NUP37: variants seen among roughly 807,000 people sequenced by gnomAD.
NUP37 encodes the protein nucleoporin Nup37.
NUP37 carries 33 observed loss-of-function variants against 45.4 expected under a neutral mutation model. The ratio of observed to expected loss-of-function variants is 0.73; its 90% CI spans 0.55 to 0.97. The LOEUF (loss-of-function observed/expected upper bound fraction) is 0.97. NUP37 is among the 50% of genes least tolerant of loss of function. The pLI is 0.00. For synonymous variants in NUP37, 127 were observed against 130.7 expected, an observed-to-expected ratio of 0.97 and a Z score of 0.19; for missense variants, 365 against 389.7, an observed-to-expected ratio of 0.94 and a Z score of 0.53.
At chr12:102,108,064 T>A (rs1022354767) in intron 3 of NUP37, among the ~76,000 whole-genome samples, 1 of 152,190 alleles carries the variant, frequency 6.6e-6, no homozygotes, top group African/African-American at 2.4e-5. Flanking sequence ...GTCAACTTGC[T>A]TGGATTGAAG....
intron 5 of NUP37, among the ~76,000 whole-genome samples, chr12:102,095,314 C>T (rs1879772525): frequency 6.6e-6 from 1 of 152,006 alleles, no homozygotes; most frequent in Admixed American, 6.6e-5. Context: ...TAATTTTAGC[C>T]TTCTTTCAAT....
Position 102,092,420 on chromosome 12 carries a change from A to C in NUP37, c.450-6564T>G, listed in dbSNP as rs1281633227. ...TTATAAGGATTAGCAGGCACTTTAC[A>C]ATGTCACTGGTACAGGAAAGGGACC... On this transcript the variant is annotated intron_variant, in intron 5 of 9. Transcript: ENST00000552283. 3.3e-5 allele frequency among the ~76,000 whole-genome samples: 5 copies of C among 152,208 alleles called. No individual in the cohort carries two copies. In the East Asian group the frequency reaches 9.6e-4, roughly 29 times the overall value.
intron 3 of NUP37, among the ~76,000 whole-genome samples, chr12:102,106,532 G>C (rs1288962167): frequency 6.6e-6 from 1 of 152,138 alleles, no homozygotes; most frequent in Non-Finnish European, 1.5e-5. Flanking sequence ...GACTAGATTA[G>C]TTTACTTCTA....
At chr12:102,094,800 C>T (rs1022430028) in intron 5 of NUP37, among the ~76,000 whole-genome samples, 1 of 152,018 alleles carries the variant, frequency 6.6e-6, no homozygotes, top group African/African-American at 2.4e-5. Flanking sequence ...CCAGTTAGAA[C>T]ATGACAACTA....
intron 5 of NUP37, among the ~76,000 whole-genome samples, chr12:102,091,195 G>A (rs775484143): frequency 3.1e-4 from 47 of 151,832 alleles, no homozygotes; most frequent in Non-Finnish European, 5.6e-4. Context: ...TCAGGAGTTC[G>A]AGACCAGCCT....
Position 102,074,128 on chromosome 12 carries a change from A to G in NUP37, c.*226T>C, listed in dbSNP as rs1306003928. The G allele has an allele frequency of 7.4e-6, 2 of 268,600 alleles. No individual in the cohort carries two copies. The highest frequency in any genetic ancestry group is 4.4e-5 in the African/African-American group (2 of 45,394). The allele number at this position is 268,600 out of a possible 1,614,324, so 16.6% of individuals were successfully genotyped here. On this transcript the variant is annotated 3_prime_UTR_variant, in exon 10 of 10. Coordinates refer to ENST00000552283, the MANE Select transcript of NUP37 (RefSeq NM_024057.4). ...TCTCTGGAGGTGAGCTGCTGAGTCA[A>G]TATGATTTTGTAAGATTAAAAATAT...
At chr12:102,102,542 T>G (rs953321068) in intron 3 of NUP37, among the ~76,000 whole-genome samples, 3 of 152,224 alleles carry the variant, frequency 2.0e-5, no homozygotes, top group Admixed American at 2.0e-4. Flanking sequence ...AAATATTTTC[T>G]CACAATCTGT....
intron 3 of NUP37, among the ~76,000 whole-genome samples, chr12:102,109,035 T>A (rs1206012657): frequency 6.6e-6 from 1 of 152,186 alleles, no homozygotes; most frequent in Non-Finnish European, 1.5e-5. Context: ...TTAATAATCT[T>A]ACTGGGATCT....
chr12:102,084,189 G>A (rs992877264), intron 6 of NUP37, among the ~76,000 whole-genome samples: 3 of 152,160 alleles, frequency 2.0e-5, no homozygotes, highest in Admixed American at 6.5e-5. Flanking sequence ...GTAAAATGGG[G>A]ATAATCACAG....
In NUP37 at chr12:102,074,290, T is replaced by C. The variant is rs1160513896; in HGVS notation, c.*64A>G. On this transcript the variant is annotated 3_prime_UTR_variant, in exon 10 of 10. Coordinates refer to ENST00000552283, the MANE Select transcript of NUP37 (RefSeq NM_024057.4). ...TAAAAATTCTTCAAAATATGTACTATAGAAATTCTTCAAAATATGTACTAA... is the reference window on the plus strand; with the variant it reads ...TAAAAATTCTTCAAAATATGTACTACAGAAATTCTTCAAAATATGTACTAA... 8.3e-6 allele frequency: 8 copies of C among 966,412 alleles called. No homozygotes were observed. Among genetic ancestry groups the C allele is most frequent in the East Asian group, 2.6e-5 (1 of 39,082 alleles). 59.9% of individuals were successfully genotyped at this position (966,412 alleles called of 1,614,324 possible). A position where few individuals can be genotyped will look rare whatever the true frequency, so the allele number is the denominator to read the frequency against.
intron 3 of NUP37, among the ~76,000 whole-genome samples, chr12:102,109,001 A>C (rs1256555207): frequency 2.6e-5 from 4 of 152,240 alleles, no homozygotes; most frequent in African/African-American, 7.2e-5. Flanking sequence ...ACAGTAATCA[A>C]AGAATACTTA....
rs768370562 is a variant in NUP37, at chr12:102,101,057, T to G, written c.329A>C (p.Asp110Ala). 2 of 1,560,896 alleles carry G rather than the reference T, an allele frequency of 1.3e-6. No homozygotes were observed. The highest frequency in any genetic ancestry group is 1.9e-5 in the Admixed American group (1 of 53,868). ...ADMKIRLFTS[D>A]LQDKNEYKVL... is the part of the protein sequence containing the mutation. ...CTTATATTCATTTTTATCCTGAAGA[T>G]CTGAAGTAAATAATCTAATTTTCAT... The change falls in exon 4 of 10, where the codon GAT (aspartate) becomes GCT (alanine). Residue 110 changes from aspartate to alanine, a missense_variant. Coordinates refer to ENST00000552283, the MANE Select transcript of NUP37 (RefSeq NM_024057.4).
intron 3 of NUP37, among the ~76,000 whole-genome samples, chr12:102,104,248 G>A (rs759185821): frequency 6.6e-6 from 1 of 151,852 alleles, no homozygotes; most frequent in Non-Finnish European, 1.5e-5. Flanking sequence ...TATGCCTGTT[G>A]GCCATTCATA....
In NUP37 at chr12:102,085,899, A is replaced by G. The variant is rs369698332; in HGVS notation, c.450-43T>C. ...GTATAATGTTAATTGTTCTTGATAT[A>G]TCATTACTAAAAAATTAAATTTCCA... On this transcript the variant is annotated intron_variant, in intron 5 of 9. Transcript: ENST00000552283. The G allele has an allele frequency of 2.0e-4, 181 of 926,166 alleles. 1 individual carries two copies. Among genetic ancestry groups the G allele is most frequent in the Middle Eastern group, 1.7e-3 (7 of 4,120 alleles). 57.4% of individuals were successfully genotyped at this position (926,166 alleles called of 1,614,324 possible).
At chr12:102,112,060 C>A in intron 3 of NUP37, 48 bp downstream of exon 3, 3 of 1,566,208 alleles carry the variant, frequency 1.9e-6, no homozygotes, top group East Asian at 2.3e-5. Context: ...TCATGTAACA[C>A]AATCAAAGTA....
chr12:102,073,717 C>G lies in NUP37; in HGVS notation c.*637G>C, dbSNP rs755184139. 1 of 152,176 alleles carries G rather than the reference C, an allele frequency of 6.6e-6. No individual in the cohort carries two copies. Among genetic ancestry groups the G allele is most frequent in the African/African-American group, 2.4e-5 (1 of 41,414 alleles). The allele number at this position is 152,176 out of a possible 1,614,324, so 9.4% of individuals were successfully genotyped here. The stretch of plus-strand genomic sequence containing the variant: ...TTTTTTTTCTTTTGAGATAGTCTCG[C>G]TCTGTCGCCCAGGCTGCAGTGAAGT... On this transcript the variant is annotated 3_prime_UTR_variant, in exon 10 of 10. Transcript: ENST00000552283.
intron 3 of NUP37, among the ~76,000 whole-genome samples, chr12:102,108,051 A>C (rs1015058861): frequency 2.0e-5 from 3 of 152,216 alleles, no homozygotes; most frequent in Admixed American, 1.3e-4. Context: ...GTTAATATTA[A>C]GTGTCAACTT....
chr12:102,075,393 G>T lies in NUP37; in HGVS notation c.774-299C>A, dbSNP rs190500054. ...AATGGGGTCTTGCTATCTTGCCCAG[G>T]CAGGTCTCAAACTCCTGGCCTCAAG... On this transcript the variant is annotated intron_variant, in intron 8 of 9. Transcript: ENST00000552283. 4.6e-5 allele frequency among the ~76,000 whole-genome samples: 7 copies of T among 152,062 alleles called. No homozygotes were observed. The East Asian group carries it at 1.4e-3, about 29-fold the overall frequency.
In NUP37 at chr12:102,077,436, G is replaced by C; in HGVS notation, c.608C>G (p.Ser203Cys). 6.2e-7 allele frequency: 1 copy of C among 1,614,088 alleles called. No individual in the cohort carries two copies. Among genetic ancestry groups the C allele is most frequent in the Non-Finnish European group, 8.5e-7 (1 of 1,180,008 alleles). ...TAATGGCACTTGTTCTGATTCAAGA[G>C]ATAAAATAGCCTGTTGGGCCAAAAG... ...YDLLAQQAIL[S>C]LESEQVPLMS... is the part of the protein sequence containing the mutation. The change falls in exon 7 of 10, where the codon TCT (serine) becomes TGT (cysteine). Residue 203 changes from serine (S) to cysteine (C), a missense_variant. Transcript: ENST00000552283.
Sources: allele counts gnomAD v4.1 joint callset (sites outside exome capture counted in the v4.1 genomes callset), GRCh38; gene constraint gnomAD v4.1.1; transcripts MANE v1.5; gene names NCBI Gene and HGNC (gene_info 2026-07-23, HGNC 2026-07-21).